HDAC9: variants seen among roughly 807,000 people sequenced by gnomAD.
HDAC9 encodes MEF-2 interacting transcription repressor (MITR) protein.
HDAC9 carries 41 observed loss-of-function variants against 139.4 expected under a neutral mutation model. That is an observed-to-expected ratio of 0.29 (90% CI 0.23 to 0.38). HDAC9 has a LOEUF of 0.38. Among genes scored for constraint, HDAC9 ranks in the 10% least tolerant of loss-of-function variants. The pLI is 1.00. For missense variants in HDAC9, 1,147 were observed against 1,297.0 expected, an observed-to-expected ratio of 0.88 and a Z score of 1.78; for synonymous variants, 517 against 476.2, an observed-to-expected ratio of 1.09 and a Z score of -1.12.
intron 1 of HDAC9, among the ~76,000 whole-genome samples, chr7:18,391,322 C>G (rs1384058337): frequency 6.6e-6 from 1 of 151,842 alleles, no homozygotes; most frequent in Non-Finnish European, 1.5e-5. Flanking sequence ...AAGGCAGAGG[C>G]TGCAGTGAGC....
At chr7:18,828,434 C>T (rs1795614207) in intron 17 of HDAC9, among the ~76,000 whole-genome samples, 1 of 152,182 alleles carries the variant, frequency 6.6e-6, no homozygotes, top group African/African-American at 2.4e-5. Context: ...TTCCGTGATG[C>T]ATTCCAACTA....
chr7:18,993,413 A>AAAAC, intron 25 of HDAC9, among the ~76,000 whole-genome samples: 1 of 152,228 alleles, frequency 6.6e-6, no homozygotes, highest in Non-Finnish European at 1.5e-5. Context: ...TTTCGAAAGT[A>AAAAC]AAACAGCTGG....
At chr7:18,266,324 C>T (rs750471135) in intron 2 of HDAC9, among the ~76,000 whole-genome samples, 12 of 152,098 alleles carry the variant, frequency 7.9e-5, no homozygotes, top group Non-Finnish European at 1.0e-4. Context: ...TTTTCCTTAC[C>T]GTGACAGGCA....
chr7:18,103,692 A>G (rs952845591), intron 1 of HDAC9, among the ~76,000 whole-genome samples: 3 of 152,202 alleles, frequency 2.0e-5, no homozygotes, highest in African/African-American at 7.2e-5. Context: ...CTTAAGTGAA[A>G]TGACGTACAA....
At chr7:18,538,408 C>T (rs779008135) in intron 2 of HDAC9, among the ~76,000 whole-genome samples, 12 of 152,300 alleles carry the variant, frequency 7.9e-5, no homozygotes, top group African/African-American at 2.9e-4. Flanking sequence ...AGGAATTTAT[C>T]GCTTCATTCT....
chr7:18,346,983 A>G (rs968889585), intron 1 of HDAC9, among the ~76,000 whole-genome samples: 46 of 152,178 alleles, frequency 3.0e-4, no homozygotes, highest in Middle Eastern at 3.2e-3. Flanking sequence ...CTGGCGGCAC[A>G]AAGGAAATAA....
At position 18,895,766 on chromosome 7, in the gene HDAC9, C is replaced by T. The variant is rs144692198; in HGVS notation, c.2803+21170C>T. 1.2e-4 allele frequency among the ~76,000 whole-genome samples: 18 copies of T among 152,168 alleles called. No individual in the cohort carries two copies. In the East Asian group the frequency reaches 3.3e-3, roughly 28 times the overall value. ...CTGTCTATTCTCTTGTAAGGTTAGA[C>T]AGTTGGAGTTCGCATTTGATCTGAG... On this transcript the variant is annotated intron_variant, in intron 22 of 25. Coordinates refer to ENST00000686413, the MANE Select transcript of HDAC9 (RefSeq NM_178425.4).
chr7:18,926,600 T>C (rs1179041239), intron 22 of HDAC9, among the ~76,000 whole-genome samples: 1 of 152,152 alleles, frequency 6.6e-6, no homozygotes, highest in Non-Finnish European at 1.5e-5. Context: ...TAAATAATAG[T>C]TGATTTGTAG....
intron 22 of HDAC9, among the ~76,000 whole-genome samples, chr7:18,916,022 G>GAAAAAAAAAAAAAAAAA (rs55866735): frequency 7.2e-6 from 1 of 138,130 alleles, no homozygotes; most frequent in African/African-American, 2.6e-5. Flanking sequence ...CCCCCCGCTG[G>GAAAAAAAAAAAAAAAAA]AAAAAAAAAA....
chr7:18,173,915 A>G (rs1788662484), intron 2 of HDAC9, among the ~76,000 whole-genome samples: 1 of 151,998 alleles, frequency 6.6e-6, no homozygotes, highest in Non-Finnish European at 1.5e-5. Context: ...TCTGACAATT[A>G]TGTGTCTTGG....
intron 1 of HDAC9, among the ~76,000 whole-genome samples, chr7:18,121,732 C>T (rs974381297): frequency 1.3e-5 from 2 of 152,078 alleles, no homozygotes; most frequent in Non-Finnish European, 2.9e-5. Context: ...AACACTGAGG[C>T]CTAAACCTTA....
At chr7:18,922,219 A>T (rs1322418119) in intron 22 of HDAC9, among the ~76,000 whole-genome samples, 1 of 152,110 alleles carries the variant, frequency 6.6e-6, no homozygotes. Context: ...CCTACAACTT[A>T]AACTATAATA....
In HDAC9 at chr7:18,700,288, A is replaced by G. The variant is rs530743952; in HGVS notation, c.1732-27292A>G. Among the ~76,000 whole-genome samples the G allele has an allele frequency of 2.6e-5, 4 of 152,336 alleles. No individual in the cohort carries two copies. The South Asian group carries it at 8.3e-4, about 32-fold the overall frequency. On this transcript the variant is annotated intron_variant, in intron 12 of 25. Transcript: ENST00000686413. ...AAGTCCTAGAATTTCTGTGAAATGC[A>G]GTTGCATCTTATGAATGAGTTGTCT...
chr7:18,391,976 T>G (rs1239831160), intron 1 of HDAC9, among the ~76,000 whole-genome samples: 2 of 152,196 alleles, frequency 1.3e-5, no homozygotes, highest in Non-Finnish European at 2.9e-5. Context: ...TCCCACACTT[T>G]ACTTTTACTT....
At chr7:18,206,106 A>G (rs145222468) in intron 2 of HDAC9, among the ~76,000 whole-genome samples, 66 of 152,264 alleles carry the variant, frequency 4.3e-4, no homozygotes, top group Non-Finnish European at 7.9e-4. Flanking sequence ...TGAAAGCTAT[A>G]TTTTTATGAA....
At chr7:18,441,818 G>T (rs1313764139) in intron 1 of HDAC9, among the ~76,000 whole-genome samples, 1 of 152,116 alleles carries the variant, frequency 6.6e-6, no homozygotes, top group Non-Finnish European at 1.5e-5. Context: ...GCTCAGGCTG[G>T]AGTGCATGGC....
chr7:18,833,377 G>A (rs1286767694), intron 19 of HDAC9, among the ~76,000 whole-genome samples: 2 of 152,130 alleles, frequency 1.3e-5, no homozygotes, highest in Non-Finnish European at 2.9e-5. Flanking sequence ...AGTAATCAAA[G>A]CAATATTTTT....
chr7:18,708,298 A>C (rs930874169), intron 12 of HDAC9, among the ~76,000 whole-genome samples: 4 of 152,020 alleles, frequency 2.6e-5, no homozygotes, highest in Non-Finnish European at 4.4e-5. Flanking sequence ...AAAAAGAGGG[A>C]GGAAGGGGAC....
chr7:18,111,793 A>C (rs1454962029), intron 1 of HDAC9, among the ~76,000 whole-genome samples: 3 of 152,212 alleles, frequency 2.0e-5, no homozygotes, highest in African/African-American at 7.2e-5. Flanking sequence ...AGGGTTGGGA[A>C]TGTTGCCAAG....
Sources: allele counts gnomAD v4.1 joint callset (sites outside exome capture counted in the v4.1 genomes callset), GRCh38; gene constraint gnomAD v4.1.1; transcripts MANE v1.5; gene names NCBI Gene and HGNC (gene_info 2026-07-23, HGNC 2026-07-21).